The following BTBD7 variants were observed in gnomAD, a reference collection of about 807,000 sequenced individuals.
The protein encoded by BTBD7 is BTB/POZ domain-containing protein 7.
In BTBD7, 38 loss-of-function variants were observed where a neutral mutation model predicts 99.9. The ratio of observed to expected loss-of-function variants is 0.38; its 90% CI spans 0.29 to 0.50. The LOEUF is 0.50. Ranked by LOEUF, BTBD7 falls within the 20% of genes least tolerant of loss-of-function variation. The probability of loss-of-function intolerance (pLI) is 0.93; values close to 1 mark genes in which losing one functional copy is unlikely to be tolerated. For synonymous variants in BTBD7, 520 were observed against 511.4 expected, an observed-to-expected ratio of 1.02 and a Z score of -0.23; for missense variants, 1,170 against 1,394.6, an observed-to-expected ratio of 0.84 and a Z score of 2.57.
At chr14:93,281,705 T>C (rs1332709153) in intron 3 of BTBD7, among the ~76,000 whole-genome samples, 1 of 152,202 alleles carries the variant, frequency 6.6e-6, no homozygotes, top group Non-Finnish European at 1.5e-5. Flanking sequence ...CACACACAGA[T>C]ATGCACATAT....
intron 6 of BTBD7, 68 bp from the exon 7 acceptor site, chr14:93,253,858 A>ATTTT: frequency 1.5e-6 from 1 of 666,528 alleles, no homozygotes; most frequent in South Asian, 5.0e-5. Flanking sequence ...ATAAATAAAA[A>ATTTT]TATTTATAAC....
intron 1 of BTBD7, among the ~76,000 whole-genome samples, chr14:93,301,518 T>TATACAC (rs570393766): frequency 2.7e-5 from 4 of 148,782 alleles, no homozygotes; most frequent in African/African-American, 7.4e-5. Flanking sequence ...TATATATATA[T>TATACAC]ACACACACAC....
At chr14:93,319,767 A>C (rs1269170776) in intron 1 of BTBD7, among the ~76,000 whole-genome samples, 2 of 152,244 alleles carry the variant, frequency 1.3e-5, no homozygotes, top group African/African-American at 4.8e-5. Flanking sequence ...TGTATTGTAT[A>C]CTTAAAAATT....
rs528115560 is a variant in BTBD7, at chr14:93,316,413, C to T, written c.-107+16407G>A. On this transcript the variant is annotated intron_variant, in intron 1 of 10. Coordinates refer to ENST00000334746, the MANE Select transcript of BTBD7 (RefSeq NM_001002860.4). ...CTACAGTATGCACCACTGTGCCCAG[C>T]TAATTTATTTTTATTTTTTCTGTTG... Among the ~76,000 whole-genome samples the T allele has an allele frequency of 6.6e-5, 10 of 152,086 alleles. No homozygotes were observed. The East Asian group carries it at 1.7e-3, about 26-fold the overall frequency.
chr14:93,284,458 C>CTTT (rs5810626), intron 3 of BTBD7, among the ~76,000 whole-genome samples: 6 of 145,632 alleles, frequency 4.1e-5, no homozygotes, highest in Admixed American at 6.9e-5. Context: ...CCACTCCCCA[C>CTTT]TTTTTTTTTT....
chr14:93,285,342 T>C (rs1200947593), intron 3 of BTBD7, among the ~76,000 whole-genome samples: 1 of 152,236 alleles, frequency 6.6e-6, no homozygotes, highest in Non-Finnish European at 1.5e-5. Context: ...GTTAGATTTT[T>C]AATTCAATAA....
intron 3 of BTBD7, among the ~76,000 whole-genome samples, chr14:93,284,324 T>C (rs1282167672): frequency 6.6e-6 from 1 of 152,200 alleles, no homozygotes; most frequent in African/African-American, 2.4e-5. Flanking sequence ...AGTTATACCA[T>C]TTAGACCCCA....
At chr14:93,311,745 A>AT (rs5810628) in intron 1 of BTBD7, among the ~76,000 whole-genome samples, 44,267 of 142,440 alleles carry the variant, frequency 0.31, 6,550 homozygotes, top group South Asian at 0.42. Flanking sequence ...AATATTTTTA[A>AT]TTTTTTTTTT....
At chr14:93,261,037 C>T (rs139458410) in intron 5 of BTBD7, among the ~76,000 whole-genome samples, 4 of 152,026 alleles carry the variant, frequency 2.6e-5, no homozygotes, top group Admixed American at 6.6e-5. Context: ...AGTACAGGCG[C>T]GTGCCACGAC....
chr14:93,263,963 G>A lies in BTBD7; in HGVS notation c.1193C>T (p.Ser398Leu). ...GAGGATGGCAATTAAGGTATCTAATGAGATGCTCTCAGCAATGATATCCTC... is the reference window on the plus strand; with the variant it reads ...GAGGATGGCAATTAAGGTATCTAATAAGATGCTCTCAGCAATGATATCCTC... ...GCEDIIAESI[S>L]LDTLIAILKW... The change falls in exon 4 of 11, where the codon TCA becomes TTA. Residue 398 changes from serine (S) to leucine (L), a missense_variant. Ser to Leu is a moderately radical substitution (Grantham distance 145, BLOSUM62 -2). Around this residue, in one of 4 missense-constraint regions of BTBD7, gnomAD observed 359 missense variants for 497.9 expected, o/e 0.72. Coordinates refer to ENST00000334746, the MANE Select transcript of BTBD7 (RefSeq NM_001002860.4). 1 of 1,614,142 alleles carries A rather than the reference G, an allele frequency of 6.2e-7. No individual in the cohort carries two copies. The highest frequency in any genetic ancestry group is 8.5e-7 in the Non-Finnish European group (1 of 1,180,004).
Position 93,240,116 on chromosome 14 carries a change from T to A in BTBD7, c.*2157A>T, listed in dbSNP as rs1316153540. The A allele has an allele frequency of 6.6e-6, 1 of 152,238 alleles. No homozygotes were observed. The highest frequency in any genetic ancestry group is 6.5e-5 in the Admixed American group (1 of 15,280). The allele number at this position is 152,238 out of a possible 1,614,324, so 9.4% of individuals were successfully genotyped here. A position where few individuals can be genotyped will look rare whatever the true frequency, so the allele number is the denominator to read the frequency against. ...ACAAATGAGAACAGAGGCCTATGCT[T>A]TTCTCTTTAAAAAAGGAGCCTCGAA... On this transcript the variant is annotated 3_prime_UTR_variant, in exon 11 of 11. Coordinates refer to ENST00000334746, the MANE Select transcript of BTBD7 (RefSeq NM_001002860.4).
intron 1 of BTBD7, among the ~76,000 whole-genome samples, chr14:93,323,565 AG>A (rs2053293838): frequency 6.6e-6 from 1 of 152,240 alleles, no homozygotes; most frequent in Non-Finnish European, 1.5e-5. Context: ...AGACAAGAAT[AG>A]GTCTCATGAA....
chr14:93,296,422 A>G (rs753485773), intron 1 of BTBD7, among the ~76,000 whole-genome samples: 29 of 152,234 alleles, frequency 1.9e-4, no homozygotes, highest in Non-Finnish European at 3.4e-4. Flanking sequence ...TAGTTACAGG[A>G]AGAGTATTTG....
intron 3 of BTBD7, among the ~76,000 whole-genome samples, chr14:93,291,789 T>TAA (rs33995662): frequency 2.1e-5 from 3 of 144,068 alleles, no homozygotes; most frequent in Non-Finnish European, 4.5e-5. Context: ...AGCTAAACAC[T>TAA]AAAAAAAAAA....
intron 8 of BTBD7, 31 bp downstream of exon 8, chr14:93,251,432 T>C (rs1426284871): frequency 1.3e-6 from 2 of 1,519,074 alleles, no homozygotes; most frequent in Admixed American, 1.9e-5. Flanking sequence ...AATTATTCAT[T>C]TAAATATAAA....
intron 6 of BTBD7, chr14:93,256,961 C>T (rs930129791): frequency 4.2e-6 from 2 of 476,930 alleles, no homozygotes; most frequent in African/African-American, 3.9e-5. Flanking sequence ...AAATAATGCT[C>T]TTGCATGAGT....
intron 4 of BTBD7, among the ~76,000 whole-genome samples, chr14:93,262,981 G>A (rs1186824139): frequency 6.6e-6 from 1 of 152,060 alleles, no homozygotes; most frequent in African/African-American, 2.4e-5. Flanking sequence ...ACATACAAAG[G>A]AAAAGCACAG....
At chr14:93,243,202 T>A (rs1566832124) in intron 10 of BTBD7, 114 bp from the exon 11 acceptor site, 1 of 1,039,962 alleles carries the variant, frequency 9.6e-7, no homozygotes, top group Non-Finnish European at 1.4e-6. Context: ...CTGTTTTTGT[T>A]TTTTTTTTTG....
At chr14:93,244,107 G>A in intron 10 of BTBD7, 1 of 486,760 alleles carries the variant, frequency 2.1e-6, no homozygotes, top group Non-Finnish European at 4.1e-6. Flanking sequence ...AGGATTCTCT[G>A]TATGCCCAGG....
Sources: gnomAD v4.1 joint callset for allele counts (sites outside exome capture counted in the v4.1 genomes callset) on GRCh38, gnomAD v4.1.1 for gene constraint, gnomAD v4.1.1 regional missense constraint, MANE v1.5 for transcripts, NCBI Gene and HGNC (gene_info 2026-07-23, HGNC 2026-07-21) for gene names.